STAG2: variants seen among roughly 807,000 people sequenced by gnomAD.
STAG2 encodes cohesin subunit SA-2.
A neutral mutation model predicts 108.1 loss-of-function variants in STAG2; 14 were observed. The observed-to-expected ratio is 0.13, with a 90% CI of 0.09 to 0.20. The LOEUF is 0.20. Among genes scored for constraint, STAG2 ranks in the 10% least tolerant of loss-of-function variants. The probability of loss-of-function intolerance (pLI) is 1.00; values close to 1 mark genes in which losing one functional copy is unlikely to be tolerated. For synonymous variants in STAG2, 307 were observed against 302.7 expected, an observed-to-expected ratio of 1.01 and a Z score of -0.15; for missense variants, 440 against 940.9, an observed-to-expected ratio of 0.47 and a Z score of 6.96.
At chrX:123,987,887 A>G (rs751567915) in intron 1 of STAG2, among the ~76,000 whole-genome samples, 1 of 111,910 alleles carries the variant, frequency 8.9e-6, no homozygotes, top group Admixed American at 9.5e-5. Context: ...AGTTTGTATT[A>G]TGAATATTAC....
At chrX:124,067,333 A>T (rs1006036285) in intron 23 of STAG2, among the ~76,000 whole-genome samples, 1 of 87,744 alleles carries the variant, frequency 1.1e-5, no homozygotes, top group East Asian at 4.3e-4. Flanking sequence ...TAGTGGTACA[A>T]TCTCGGCTCA....
At chrX:124,065,363 G>A (rs1372058076) in intron 20 of STAG2, among the ~76,000 whole-genome samples, 4 of 111,493 alleles carry the variant, frequency 3.6e-5, no homozygotes, top group Non-Finnish European at 7.5e-5. Flanking sequence ...AAAATTTTTC[G>A]AAAGTTAAGT....
chrX:124,050,729 T>C (rs1466061747), intron 11 of STAG2, among the ~76,000 whole-genome samples: 1 of 112,078 alleles, frequency 8.9e-6, no homozygotes, highest in African/African-American at 3.2e-5. Context: ...CTTTTTAATA[T>C]GTTTTCATTA....
In STAG2 at chrX:124,082,891, A is replaced by G. The variant is rs760923490; in HGVS notation, c.2925-530A>G. On this transcript the variant is annotated intron_variant, in intron 28 of 34. Transcript: ENST00000371145. ...TCTGGATTGTTTTTTACTCAGTTAC[A>G]TATTTGATAGAGTTATAATGTTGGG... Among the ~76,000 whole-genome samples the G allele has an allele frequency of 2.7e-5, 3 of 110,121 alleles. No individual in the cohort carries two copies. The East Asian group carries it at 8.5e-4, about 31-fold the overall frequency.
chrX:123,973,414 T>C (rs113243363), intron 1 of STAG2, among the ~76,000 whole-genome samples: 1,326 of 107,697 alleles, frequency 0.012, 24 homozygotes, highest in African/African-American at 0.042. Context: ...TGGTGGCGCG[T>C]GCCTGTAGTC....
intron 1 of STAG2, among the ~76,000 whole-genome samples, chrX:123,971,560 T>G (rs1442431134): frequency 8.9e-6 from 1 of 112,363 alleles, no homozygotes; most frequent in Non-Finnish European, 1.9e-5. Context: ...TGGTCAATAG[T>G]AAAAAGACAA....
At chrX:124,030,596 C>G (rs112111502) in intron 4 of STAG2, among the ~76,000 whole-genome samples, 1 of 111,423 alleles carries the variant, frequency 9.0e-6, no homozygotes, top group African/African-American at 3.3e-5. Context: ...CGCAGCAACC[C>G]TATGGGGTAG....
At chrX:124,029,345 C>G (rs1332965713) in intron 4 of STAG2, among the ~76,000 whole-genome samples, 1 of 108,367 alleles carries the variant, frequency 9.2e-6, no homozygotes, top group Non-Finnish European at 1.9e-5. Context: ...GAGTTTCGCT[C>G]TGTCACCCAG....
chrX:124,009,392 CAGGTAGGTAGGTAGGTAGGTAGGTAGGT>C (rs748240892), intron 1 of STAG2, among the ~76,000 whole-genome samples: 2 of 90,524 alleles, frequency 2.2e-5, no homozygotes, highest in African/African-American at 8.2e-5. Context: ...GTAATCTAAC[CAGGTAGGTAGGTAGGTAGGTAGGTAGGT>C]AGGTAGGTAG....
In STAG2 at chrX:124,073,897, T is replaced by C. The variant is rs758982349; in HGVS notation, c.2534-2435T>C. On this transcript the variant is annotated intron_variant, in intron 25 of 34. Coordinates refer to ENST00000371145, the MANE Select transcript of STAG2 (RefSeq NM_001042750.2). ...GAAGCCCTCATTTGTATTCCTCCCTTATCCCATTATCCTCCCATTTTCCCT... is the reference window on the plus strand; with the variant it reads ...GAAGCCCTCATTTGTATTCCTCCCTCATCCCATTATCCTCCCATTTTCCCT... 4.5e-5 allele frequency among the ~76,000 whole-genome samples: 5 copies of C among 111,860 alleles called. No homozygotes were observed. The East Asian group carries it at 1.4e-3, about 31-fold the overall frequency.
At chrX:124,052,894 G>A (rs974082813) in intron 13 of STAG2, among the ~76,000 whole-genome samples, 2 of 105,899 alleles carry the variant, frequency 1.9e-5, no homozygotes, top group Admixed American at 1.0e-4. Flanking sequence ...TCGGCTCACC[G>A]CAACCTCCAC....
At chrX:124,010,352 A>G (rs776743884) in intron 1 of STAG2, among the ~76,000 whole-genome samples, 1 of 111,589 alleles carries the variant, frequency 9.0e-6, no homozygotes, top group South Asian at 3.7e-4. Flanking sequence ...ACTACTTCAG[A>G]TACCTCATAA....
chrX:123,964,670 C>T (rs1447457682), intron 1 of STAG2, among the ~76,000 whole-genome samples: 1 of 108,869 alleles, frequency 9.2e-6, no homozygotes, highest in Non-Finnish European at 1.9e-5. Flanking sequence ...TGTGAAGTAA[C>T]TATAGTATTC....
chrX:124,049,384 C>T (rs1023828701), intron 10 of STAG2, among the ~76,000 whole-genome samples: 2 of 111,827 alleles, frequency 1.8e-5, no homozygotes, highest in African/African-American at 3.3e-5. Flanking sequence ...AGAGCCTGCA[C>T]GTGCTGACTC....
intron 1 of STAG2, among the ~76,000 whole-genome samples, chrX:124,009,447 A>AGGTAGGTAGG (rs1569502017): frequency 1.5e-4 from 14 of 91,455 alleles, no homozygotes; most frequent in African/African-American, 5.5e-4. Flanking sequence ...AGGTAGGTAG[A>AGGTAGGTAGG]TAGATAGATA....
chrX:123,994,092 C>T (rs931940447), intron 1 of STAG2, among the ~76,000 whole-genome samples: 2 of 111,656 alleles, frequency 1.8e-5, no homozygotes, highest in African/African-American at 6.5e-5. Flanking sequence ...AAGCATTGCA[C>T]CATATCTACT....
chrX:124,011,351 C>G (rs924824630), intron 1 of STAG2, among the ~76,000 whole-genome samples: 2 of 111,356 alleles, frequency 1.8e-5, no homozygotes, highest in Non-Finnish European at 3.8e-5. Flanking sequence ...TTCTTTCTAA[C>G]TTGGATGCCT....
At chrX:123,988,866 G>GTT (rs1021613168) in intron 1 of STAG2, among the ~76,000 whole-genome samples, 12 of 111,288 alleles carry the variant, frequency 1.1e-4, no homozygotes, top group Non-Finnish European at 2.1e-4. Flanking sequence ...TGCTTTTTCA[G>GTT]TTGTTTCATT....
chrX:123,969,937 G>C (rs419676), intron 1 of STAG2, among the ~76,000 whole-genome samples: 1 of 94,785 alleles, frequency 1.1e-5, no homozygotes, highest in African/African-American at 4.0e-5. Flanking sequence ...GTGAGCCACC[G>C]CACCCGGTCT....
Sources: gnomAD v4.1 joint callset for allele counts (sites outside exome capture counted in the v4.1 genomes callset) on GRCh38, gnomAD v4.1.1 for gene constraint, MANE v1.5 for transcripts, NCBI Gene and HGNC (gene_info 2026-07-23, HGNC 2026-07-21) for gene names.